Variants in PI4KA observed in about 807,000 individuals in gnomAD.
PI4KA encodes the protein PI4-kinase alpha.
PI4KA carries 122 observed loss-of-function variants against 271.4 expected under a neutral mutation model. The ratio of observed to expected loss-of-function variants is 0.45; its 90% CI spans 0.39 to 0.52. The LOEUF (loss-of-function observed/expected upper bound fraction) is 0.52, where lower values mean the gene tolerates loss of function less well. PI4KA is among the 20% of genes least tolerant of loss of function. The pLI is 0.00. For missense variants in PI4KA, 1,969 were observed against 2,769.1 expected, an observed-to-expected ratio of 0.71 and a Z score of 6.48; for synonymous variants, 1,041 against 1,078.8, an observed-to-expected ratio of 0.96 and a Z score of 0.69.
intron 2 of PI4KA, among the ~76,000 whole-genome samples, chr22:20,838,070 G>A (rs564440369): frequency 1.9e-4 from 29 of 150,260 alleles, no homozygotes; most frequent in Non-Finnish European, 2.5e-4. Context: ...GCAGTGAGCC[G>A]AGATTGCACC....
intron 19 of PI4KA, chr22:20,786,820 C>T: frequency 6.5e-7 from 1 of 1,533,524 alleles, no homozygotes; most frequent in Non-Finnish European, 9.0e-7. Flanking sequence ...GTGCTGGGAA[C>T]TCTAGCCCTC....
intron 19 of PI4KA, chr22:20,779,553 G>T (rs774122856): frequency 6.2e-7 from 1 of 1,614,064 alleles, no homozygotes; most frequent in Non-Finnish European, 8.5e-7. Context: ...CGACTATCTG[G>T]ACCTGGAGAA....
intron 32 of PI4KA, among the ~76,000 whole-genome samples, chr22:20,741,799 C>T (rs1037777771): frequency 2.0e-5 from 3 of 152,112 alleles, no homozygotes; most frequent in African/African-American, 4.8e-5. Flanking sequence ...TCAGCTGAAA[C>T]GTGAGTATAA....
chr22:20,769,734 G>C (rs1003036708), intron 19 of PI4KA, among the ~76,000 whole-genome samples: 1 of 149,930 alleles, frequency 6.7e-6, no homozygotes, highest in Non-Finnish European at 1.5e-5. Flanking sequence ...GGATTCTAAA[G>C]AGATATAACA....
At chr22:20,768,338 TTGGAATTACA>T (rs1328646109) in intron 19 of PI4KA, among the ~76,000 whole-genome samples, 2 of 151,412 alleles carry the variant, frequency 1.3e-5, no homozygotes, top group Admixed American at 1.3e-4. Flanking sequence ...TCCCCAAGTG[TTGGAATTACA>T]GGCGTGAGCC....
chr22:20,858,805 T>A lies in PI4KA; in HGVS notation c.-80A>T, dbSNP rs1928018423. 1.5e-6 allele frequency: 2 copies of A among 1,359,710 alleles called. No individual in the cohort carries two copies. The highest frequency in any genetic ancestry group is 3.1e-5 in the African/African-American group (2 of 64,846). 84.2% of individuals were successfully genotyped at this position (1,359,710 alleles called of 1,614,324 possible). A position where few individuals can be genotyped will look rare whatever the true frequency, so the allele number is the denominator to read the frequency against. ...CCCGACCTCAGGGCGCAGGCGTAGGTGCATCCGGCTTTCCCGCCACGTGAC... is the reference window on the plus strand; with the variant it reads ...CCCGACCTCAGGGCGCAGGCGTAGGAGCATCCGGCTTTCCCGCCACGTGAC... On this transcript the variant is annotated 5_prime_UTR_variant, in exon 1 of 55. Transcript: ENST00000255882.
At chr22:20,804,264 T>C in intron 12 of PI4KA, 36 bp downstream of exon 12, 1 of 1,385,278 alleles carries the variant, frequency 7.2e-7, no homozygotes, top group Non-Finnish European at 1.0e-6. Flanking sequence ...GCCCTACAGG[T>C]GGGATCTGAG....
At chr22:20,809,852 C>T (rs1380527013) in intron 9 of PI4KA, among the ~76,000 whole-genome samples, 1 of 152,180 alleles carries the variant, frequency 6.6e-6, no homozygotes, top group Non-Finnish European at 1.5e-5. Flanking sequence ...ACGGCCAGCA[C>T]ATACATCTCA....
rs986228409 is a variant in PI4KA, at chr22:20,751,362, A to G, written c.3084T>C (p.Asp1028=). 1 of 1,613,654 alleles carries G rather than the reference A, an allele frequency of 6.2e-7. No homozygotes were observed. The change falls in exon 27 of 55, where the codon GAT becomes GAC. Residue 1028 remains aspartate, a synonymous_variant. Coordinates refer to ENST00000255882, the MANE Select transcript of PI4KA (RefSeq NM_058004.4). The stretch of plus-strand genomic sequence containing the variant: ...CGTCGGGGATGTCATAGTAAGGCTG[A>G]TCCTTGTGAATATCCTGCAAGCACA... ...SLSLSADIHK[D]QPYYDIPDAP...
intron 3 of PI4KA, among the ~76,000 whole-genome samples, chr22:20,828,657 C>T (rs1014432631): frequency 6.6e-6 from 1 of 151,836 alleles, no homozygotes. Flanking sequence ...CGGGTTCAAG[C>T]GATTCTCCTG....
Position 20,762,902 on chromosome 22 carries a change from C to T in PI4KA, c.2709-1516G>A, listed in dbSNP as rs184484883. 1.7e-3 allele frequency among the ~76,000 whole-genome samples: 259 copies of T among 151,984 alleles called. 2 individuals are homozygous for T. Among genetic ancestry groups the T allele is most frequent in the African/African-American group, 6.0e-3 (249 of 41,466 alleles). On this transcript the variant is annotated intron_variant, in intron 22 of 54. Transcript: ENST00000255882. The stretch of plus-strand genomic sequence containing the variant: ...CTAGAGTGCAGTGGTTTGATCATAG[C>T]TCACTGCAGCCTCAACCTCCTAGGC...
At chr22:20,841,145 G>A (rs1215879480) in intron 1 of PI4KA, among the ~76,000 whole-genome samples, 6 of 152,116 alleles carry the variant, frequency 3.9e-5, no homozygotes, top group Admixed American at 6.5e-5. Context: ...CTCCCAGAGC[G>A]CTGAGATTAC....
intron 10 of PI4KA, 38 bp from the exon 11 acceptor site, chr22:20,805,203 A>T (rs1161797817): frequency 6.9e-7 from 1 of 1,439,842 alleles, no homozygotes; most frequent in Admixed American, 1.7e-5. Flanking sequence ...TGGGAACAAA[A>T]CTACAGTAGA....
intron 52 of PI4KA, 168 bp from the exon 53 acceptor site, chr22:20,710,165 T>C (rs926500262): frequency 7.4e-5 from 49 of 664,384 alleles, no homozygotes; most frequent in South Asian, 1.4e-4. Context: ...CTGCTGCACT[T>C]GGTAACCCAT....
intron 19 of PI4KA, among the ~76,000 whole-genome samples, chr22:20,776,434 A>T (rs974825390): frequency 1.3e-5 from 2 of 152,238 alleles, no homozygotes; most frequent in Non-Finnish European, 2.9e-5. Context: ...AAAAGGCAAC[A>T]GGCATTTTGA....
At chr22:20,817,823 G>A (rs567698874) in intron 7 of PI4KA, among the ~76,000 whole-genome samples, 7 of 130,648 alleles carry the variant, frequency 5.4e-5, no homozygotes, top group African/African-American at 2.0e-4. Context: ...CATACTTAAT[G>A]TCATTAAAAA....
intron 27 of PI4KA, among the ~76,000 whole-genome samples, chr22:20,750,435 G>T (rs1028024508): frequency 2.0e-5 from 3 of 152,208 alleles, no homozygotes; most frequent in African/African-American, 7.2e-5. Context: ...CTTTCAAGCT[G>T]CCCAGTCTAT....
chr22:20,707,879 A>G lies in PI4KA; in HGVS notation c.*168T>C, dbSNP rs1175923373. 2 of 743,980 alleles carry G rather than the reference A, an allele frequency of 2.7e-6. No homozygotes were observed. Among genetic ancestry groups the G allele is most frequent in the Non-Finnish European group, 5.0e-6 (2 of 402,494 alleles). 46.1% of individuals were successfully genotyped at this position (743,980 alleles called of 1,614,324 possible). ...GATTGTCGCTGCAGTCCATGGCGTT[A>G]CCAAGGCTGCGCCACCCACGTGCTG... is the stretch of plus-strand genomic sequence containing the variant. On this transcript the variant is annotated 3_prime_UTR_variant, in exon 55 of 55. Transcript: ENST00000255882.
intron 8 of PI4KA, among the ~76,000 whole-genome samples, chr22:20,812,615 T>A (rs1601551848): frequency 6.6e-6 from 1 of 152,168 alleles, no homozygotes; most frequent in East Asian, 1.9e-4. Flanking sequence ...AGTGCAGTGC[T>A]GCGATGTTGA....
Sources: allele counts gnomAD v4.1 joint callset (sites outside exome capture counted in the v4.1 genomes callset), GRCh38; gene constraint gnomAD v4.1.1; transcripts MANE v1.5; gene names NCBI Gene and HGNC (gene_info 2026-07-23, HGNC 2026-07-21).